Variants in RAD18 observed in about 807,000 individuals in gnomAD.
The protein encoded by RAD18 is RAD18 E3 ubiquitin protein ligase, also known as E3 ubiquitin-protein ligase RAD18.
In RAD18, 47 loss-of-function variants were observed where a neutral mutation model predicts 60.4. The ratio of observed to expected loss-of-function variants is 0.78; its 90% confidence interval spans 0.62 to 0.99. The LOEUF (loss-of-function observed/expected upper bound fraction) is 0.99, where lower values mean the gene tolerates loss of function less well. Ranked by LOEUF, RAD18 falls within the 50% of genes least tolerant of loss-of-function variation. RAD18 has a pLI of 0.00. For synonymous variants in RAD18, 225 were observed against 195.5 expected (o/e 1.15, Z -1.26); for missense variants, 640 against 593.3 (o/e 1.08, Z -0.82).
At chr3:8,930,946 T>C (rs138808298) in intron 7 of RAD18, among the ~76,000 whole-genome samples, 86 of 152,062 alleles carry the variant, frequency 5.7e-4, no homozygotes, top group African/African-American at 2.0e-3. Flanking sequence ...AAAAAAAAGA[T>C]TGGAGAAAGG....
intron 4 of RAD18, among the ~76,000 whole-genome samples, chr3:8,944,593 G>A (rs1475015446): frequency 1.3e-5 from 2 of 148,258 alleles, no homozygotes; most frequent in Non-Finnish European, 3.0e-5. Context: ...GAGGAATAGA[G>A]AGGGGAAGGA....
intron 7 of RAD18, among the ~76,000 whole-genome samples, chr3:8,930,608 CA>C (rs1454635907): frequency 1.3e-5 from 2 of 151,988 alleles, no homozygotes; most frequent in African/African-American, 4.8e-5. Flanking sequence ...TGTTATAAAT[CA>C]TATCACAAAA....
chr3:8,887,814 T>A (rs1313792179), intron 12 of RAD18, among the ~76,000 whole-genome samples: 1 of 152,182 alleles, frequency 6.6e-6, no homozygotes, highest in African/African-American at 2.4e-5. Context: ...ATAGCCTTTC[T>A]AGCTGGGGAG....
At chr3:8,895,342 T>C (rs1341529205) in intron 11 of RAD18, among the ~76,000 whole-genome samples, 1 of 152,198 alleles carries the variant, frequency 6.6e-6, no homozygotes, top group African/African-American at 2.4e-5. Flanking sequence ...ATTATGAAGA[T>C]TTTAAAAAAT....
At chr3:8,951,856 G>T (rs1180948863) in intron 2 of RAD18, among the ~76,000 whole-genome samples, 1 of 152,170 alleles carries the variant, frequency 6.6e-6, no homozygotes, top group African/African-American at 2.4e-5. Context: ...CCAAGATCAA[G>T]GTGCCAATAT....
chr3:8,888,489 G>A (rs1008424907), intron 12 of RAD18, among the ~76,000 whole-genome samples: 19 of 152,158 alleles, frequency 1.2e-4, no homozygotes, highest in Admixed American at 4.6e-4. Context: ...GCCACTTGTG[G>A]TACTACAAAA....
intron 6 of RAD18, among the ~76,000 whole-genome samples, chr3:8,937,278 A>T (rs1156423503): frequency 6.6e-6 from 1 of 152,210 alleles, no homozygotes; most frequent in East Asian, 1.9e-4. Context: ...ACAGATGATT[A>T]AACTGTGACT....
Position 8,941,809 on chromosome 3 carries a change from A to C in RAD18, c.267-5T>G, listed in dbSNP as rs1383321209. 1 of 1,600,698 alleles carries C rather than the reference A, an allele frequency of 6.2e-7. No individual in the cohort carries two copies. Among genetic ancestry groups the C allele is most frequent in the Non-Finnish European group, 8.5e-7 (1 of 1,170,390 alleles). ...GCAAACTGCAGCAGATGATTCCTTGAAGCACAAAGAACACAACAGACAATT... is the reference window on the plus strand; with the variant it reads ...GCAAACTGCAGCAGATGATTCCTTGCAGCACAAAGAACACAACAGACAATT... On this transcript the variant is annotated splice_polypyrimidine_tract_variant and splice_region_variant and intron_variant, in intron 4 of 12. Coordinates refer to ENST00000264926, the MANE Select transcript of RAD18 (RefSeq NM_020165.4).
In RAD18 at chr3:8,902,402, T is replaced by C; in HGVS notation, c.1146A>G (p.Glu382=). ...VTITKEDEST[E]KLSSVCMGQE... ...TACCCATGCATACAGAAGATAGCTT[T>C]TCTGTAGATTCATCTTCTTTTGTTA... The change falls in exon 10 of 13, where the codon GAA becomes GAG. Residue 382 remains glutamate (E), a synonymous_variant. Transcript: ENST00000264926. 1 of 1,604,572 alleles carries C rather than the reference T, an allele frequency of 6.2e-7. No individual in the cohort carries two copies. The highest frequency in any genetic ancestry group is 8.5e-7 in the Non-Finnish European group (1 of 1,175,446).
At chr3:8,930,314 C>T (rs952027783) in intron 7 of RAD18, among the ~76,000 whole-genome samples, 1 of 152,096 alleles carries the variant, frequency 6.6e-6, no homozygotes, top group African/African-American at 2.4e-5. Flanking sequence ...TTATAAAAGG[C>T]CACATGCTAT....
intron 9 of RAD18, among the ~76,000 whole-genome samples, chr3:8,902,811 G>A (rs1939937636): frequency 6.6e-6 from 1 of 152,118 alleles, no homozygotes; most frequent in Non-Finnish European, 1.5e-5. Flanking sequence ...TGGACCATTT[G>A]TCAGGAGTTC....
chr3:8,890,529 A>C, intron 11 of RAD18, 78 bp from the exon 12 acceptor site: 1 of 1,140,750 alleles, frequency 8.8e-7, no homozygotes, highest in Non-Finnish European at 1.3e-6. Context: ...TCTAGAAAAA[A>C]ACAAATGAGT....
intron 2 of RAD18, among the ~76,000 whole-genome samples, chr3:8,954,231 C>T (rs1447437138): frequency 6.6e-6 from 1 of 152,238 alleles, no homozygotes; most frequent in Non-Finnish European, 1.5e-5. Context: ...GTTCTTTTCA[C>T]ACTGGTTTTT....
chr3:8,954,026 A>G (rs1281894255), intron 2 of RAD18, among the ~76,000 whole-genome samples: 1 of 152,234 alleles, frequency 6.6e-6, no homozygotes, highest in Admixed American at 6.5e-5. Flanking sequence ...ATGAAGTAGC[A>G]CTGTGAAACA....
chr3:8,924,226 G>A (rs1270717533), intron 7 of RAD18, among the ~76,000 whole-genome samples: 1 of 150,994 alleles, frequency 6.6e-6, no homozygotes, highest in Admixed American at 6.6e-5. Flanking sequence ...GATCTACCAA[G>A]CAAATGGAAA....
At chr3:8,897,446 G>A (rs965467983) in intron 11 of RAD18, among the ~76,000 whole-genome samples, 8 of 152,154 alleles carry the variant, frequency 5.3e-5, no homozygotes, top group African/African-American at 1.9e-4. Context: ...TGAAGCTGGT[G>A]ACAAGACTGG....
intron 2 of RAD18, among the ~76,000 whole-genome samples, chr3:8,958,312 ATAAAC>A (rs1941043038): frequency 6.6e-6 from 1 of 152,236 alleles, no homozygotes; most frequent in Non-Finnish European, 1.5e-5. Context: ...TGAATAACCC[ATAAAC>A]TGTATGTCTA....
intron 7 of RAD18, among the ~76,000 whole-genome samples, chr3:8,928,422 C>T (rs547873027): frequency 1.8e-4 from 27 of 152,092 alleles, no homozygotes; most frequent in Middle Eastern, 3.4e-3. Flanking sequence ...AAACCATATA[C>T]GGCTTACAAT....
chr3:8,957,841 C>T (rs957641029), intron 2 of RAD18, among the ~76,000 whole-genome samples: 67 of 152,144 alleles, frequency 4.4e-4, no homozygotes, highest in African/African-American at 1.6e-3. Context: ...AGTAACACAG[C>T]ATACACATTT....
Sources: allele counts gnomAD v4.1 joint callset (sites outside exome capture counted in the v4.1 genomes callset), GRCh38; gene constraint gnomAD v4.1.1; transcripts MANE v1.5; gene names NCBI Gene and HGNC (gene_info 2026-07-23, HGNC 2026-07-21).